The following SUFU variants were observed in gnomAD, a reference collection of about 807,000 sequenced individuals.
SUFU encodes suppressor of fused homolog.
Under a neutral mutation model 58.9 loss-of-function variants are expected in SUFU, and 7 were observed. That is an observed-to-expected ratio of 0.12 (90% CI 0.07 to 0.22). SUFU has a LOEUF of 0.22. Ranked by LOEUF, SUFU falls within the 10% of genes least tolerant of loss-of-function variation. The probability of loss-of-function intolerance (pLI) is 1.00; values close to 1 mark genes in which losing one functional copy is unlikely to be tolerated. For synonymous variants in SUFU, 232 were observed against 254.8 expected (o/e 0.91, Z 0.85); for missense variants, 451 against 641.3 (o/e 0.70, Z 3.20).
chr10:102,522,487 T>G lies in SUFU; in HGVS notation c.317+13184T>G, dbSNP rs1352878833. 2.6e-5 allele frequency among the ~76,000 whole-genome samples: 4 copies of G among 152,166 alleles called. No homozygotes were observed. In the East Asian group the frequency reaches 7.7e-4, roughly 29 times the overall value. ...GTGGTACAGAAGACTGAGATTGGCT[T>G]ACAGAGTGCCCCAGGGTCCTTGTAC... On this transcript the variant is annotated intron_variant, in intron 2 of 11. Transcript: ENST00000369902.
intron 1 of SUFU, among the ~76,000 whole-genome samples, chr10:102,507,223 C>T (rs1378077938): frequency 1.3e-5 from 2 of 152,098 alleles, no homozygotes; most frequent in African/African-American, 2.4e-5. Context: ...TTGTGGGAGA[C>T]TTGGTGAGAA....
rs1590086463 is a variant in SUFU at position 102,619,553 on chromosome 10, A to G, written c.1296+2125A>G. 4 of 1,027,580 alleles carry G rather than the reference A, an allele frequency of 3.9e-6. No individual in the cohort carries two copies. In the African/African-American group the frequency reaches 6.7e-5, roughly 17 times the overall value. 63.7% of individuals were successfully genotyped at this position (1,027,580 alleles called of 1,614,324 possible). Reference sequence around the variant, plus strand: ...CTGGGAAGGCTGGCGGAGGCCCCACACCCCAAGCACCCACCCTTGATCACC... The same window carrying G: ...CTGGGAAGGCTGGCGGAGGCCCCACGCCCCAAGCACCCACCCTTGATCACC... On this transcript the variant is annotated intron_variant, in intron 10 of 11. Transcript: ENST00000369902. The surrounding 1 kb of genome is among the most constrained non-coding windows in gnomAD (Gnocchi z 4.2).
intron 3 of SUFU, among the ~76,000 whole-genome samples, chr10:102,565,554 AT>A (rs1488535987): frequency 6.6e-6 from 1 of 152,148 alleles, no homozygotes; most frequent in Non-Finnish European, 1.5e-5. Context: ...GAGTCTATTT[AT>A]TGTTTTTGAG....
At chr10:102,541,697 CTTTTTTT>C (rs869264798) in intron 2 of SUFU, among the ~76,000 whole-genome samples, 10 of 56,094 alleles carry the variant, frequency 1.8e-4, no homozygotes, top group South Asian at 1.0e-3. Flanking sequence ...CCGCGCCCGG[CTTTTTTT>C]TTTTTTTTTT....
intron 2 of SUFU, among the ~76,000 whole-genome samples, chr10:102,517,778 G>A (rs895443066): frequency 3.3e-5 from 5 of 152,136 alleles, no homozygotes; most frequent in African/African-American, 4.8e-5. Flanking sequence ...ATCCTCACCC[G>A]TCCAACTAAC....
rs149513330 is a variant in SUFU at position 102,593,638 on chromosome 10, C to T, written c.600C>T (p.Ile200=). 2,853 of 1,614,112 alleles carry T rather than the reference C, an allele frequency of 1.8e-3. 3 individuals carry two copies. The highest frequency in any genetic ancestry group is 2.8e-3 in the Middle Eastern group (17 of 6,062). The change falls in exon 5 of 12, where the codon ATC becomes ATT. Residue 200 remains isoleucine (I), a splice_region_variant and synonymous_variant. Transcript: ENST00000369902. ...TPFGVVTFLQ[I]VGVCTEELHS... is the part of the protein sequence containing the mutation. ...GGGCTTTCTATCCTGGGCCTCAGATCGTTGGTGTCTGCACTGAAGAGCTAC... is the reference window on the plus strand; with the variant it reads ...GGGCTTTCTATCCTGGGCCTCAGATTGTTGGTGTCTGCACTGAAGAGCTAC...
At chr10:102,591,691 A>G (rs1188583189) in intron 3 of SUFU, 1 of 152,088 alleles carries the variant, frequency 6.6e-6, no homozygotes, top group Non-Finnish European at 1.5e-5. Flanking sequence ...GTGTGCTTCC[A>G]TTTGTGTAAG....
chr10:102,600,592 G>C (rs1830940806), intron 8 of SUFU, among the ~76,000 whole-genome samples: 1 of 152,224 alleles, frequency 6.6e-6, no homozygotes, highest in Non-Finnish European at 1.5e-5. Flanking sequence ...CTACAGAAAA[G>C]ACAGGTCCAC....
At chr10:102,604,547 T>G (rs2063544159) in intron 8 of SUFU, among the ~76,000 whole-genome samples, 1 of 152,194 alleles carries the variant, frequency 6.6e-6, no homozygotes, top group African/African-American at 2.4e-5. Context: ...GGTATTTTTA[T>G]CGCCCATCCT....
At position 102,617,731 on chromosome 10, in the gene SUFU, G is replaced by T; in HGVS notation, c.1296+303G>T. The T allele has an allele frequency of 1.7e-6, 1 of 585,420 alleles. No homozygotes were observed. Among genetic ancestry groups the T allele is most frequent in the Non-Finnish European group, 3.0e-6 (1 of 329,016 alleles). 36.3% of individuals were successfully genotyped at this position (585,420 alleles called of 1,614,324 possible). A position where few individuals can be genotyped will look rare whatever the true frequency, so the allele number is the denominator to read the frequency against. ...GGAAATCCAGGTTGGAGGGATATAA[G>T]ACTTTCTGCACCTTGGGTAAACCAA... On this transcript the variant is annotated intron_variant, in intron 10 of 11. Coordinates refer to ENST00000369902, the MANE Select transcript of SUFU (RefSeq NM_016169.4). The surrounding 1 kb of genome is among the most constrained non-coding windows in gnomAD (Gnocchi z 4.4).
Position 102,509,222 on chromosome 10 carries a change from G to C in SUFU, c.236G>C (p.Ser79Thr), listed in dbSNP as rs2135620312. 6.2e-7 allele frequency: 1 copy of C among 1,614,198 alleles called. No homozygotes were observed. Among genetic ancestry groups the C allele is most frequent in the Non-Finnish European group, 8.5e-7 (1 of 1,180,046 alleles). The change falls in exon 2 of 12, where the codon AGC (serine) becomes ACC (threonine). Residue 79 changes from serine (S) to threonine (T), a missense_variant. By Grantham distance (58) the Ser-to-Thr change is moderately conservative (BLOSUM62 1). Coordinates refer to ENST00000369902, the MANE Select transcript of SUFU (RefSeq NM_016169.4). ...DYVSMYRNVG[S>T]PSANIPEHWH... ...GTTAGCATGTACAGGAATGTGGGGA[G>C]CCCTTCTGCTAACATCCCCGAGCAC...
chr10:102,550,950 G>A (rs1350970517), intron 3 of SUFU, among the ~76,000 whole-genome samples: 1 of 152,032 alleles, frequency 6.6e-6, no homozygotes, highest in Non-Finnish European at 1.5e-5. Context: ...TTCCATGTTG[G>A]TCAGGCTGCT....
chr10:102,559,610 C>G (rs1301952749), intron 3 of SUFU, among the ~76,000 whole-genome samples: 1 of 152,200 alleles, frequency 6.6e-6, no homozygotes. Flanking sequence ...TACTTTGCAG[C>G]CAGTTTTTCT....
At position 102,572,853 on chromosome 10, in the gene SUFU, G is replaced by A. The variant is rs886792269; in HGVS notation, c.455-19729G>A. The A allele has an allele frequency of 6.2e-6, 5 of 802,886 alleles. No individual in the cohort carries two copies. The Admixed American group carries it at 8.5e-5, about 14-fold the overall frequency. The allele number at this position is 802,886 out of a possible 1,614,324, so 49.7% of individuals were successfully genotyped here. A position where few individuals can be genotyped will look rare whatever the true frequency, so the allele number is the denominator to read the frequency against. Reference sequence around the variant, plus strand: ...TCTCTCCATCACGCTGAATCAGGGTGTTGACCTTGGTCACATCAGTGTCAT... The same window carrying A: ...TCTCTCCATCACGCTGAATCAGGGTATTGACCTTGGTCACATCAGTGTCAT... On this transcript the variant is annotated intron_variant, in intron 3 of 11. Coordinates refer to ENST00000369902, the MANE Select transcript of SUFU (RefSeq NM_016169.4).
chr10:102,527,179 T>C (rs2062619174), intron 2 of SUFU, among the ~76,000 whole-genome samples: 1 of 151,890 alleles, frequency 6.6e-6, no homozygotes, highest in Non-Finnish European at 1.5e-5. Context: ...ACTTTTTGTA[T>C]TTTTAGTAGA....
chr10:102,612,936 G>T (rs891400791), intron 8 of SUFU, among the ~76,000 whole-genome samples: 11 of 152,136 alleles, frequency 7.2e-5, no homozygotes, highest in African/African-American at 2.2e-4. Context: ...GCAGAGTAAG[G>T]GCTCAGGAAA....
intron 3 of SUFU, among the ~76,000 whole-genome samples, chr10:102,577,619 G>A (rs1359175118): frequency 1.3e-5 from 2 of 151,770 alleles, no homozygotes; most frequent in African/African-American, 2.4e-5. Context: ...GATTACAGGC[G>A]TGAGCCACTG....
At chr10:102,621,017 C>T (rs1295960279) in intron 10 of SUFU, among the ~76,000 whole-genome samples, 1 of 152,212 alleles carries the variant, frequency 6.6e-6, no homozygotes, top group African/African-American at 2.4e-5. Context: ...TGATGGGAAG[C>T]CCCAGGCGTG....
chr10:102,505,660 G>T (rs2062316420), intron 1 of SUFU, among the ~76,000 whole-genome samples: 1 of 152,184 alleles, frequency 6.6e-6, no homozygotes, highest in South Asian at 2.1e-4. Context: ...AGCGTGGAGA[G>T]CCTGGGGACC....
Sources: gnomAD v4.1 joint callset for allele counts (sites outside exome capture counted in the v4.1 genomes callset) on GRCh38, gnomAD v4.1.1 for gene constraint, Gnocchi (gnomAD v3.1) non-coding constraint, MANE v1.5 for transcripts, NCBI Gene and HGNC (gene_info 2026-07-23, HGNC 2026-07-21) for gene names.